The following SHLD1 variants were observed in gnomAD, a reference collection of about 807,000 sequenced individuals.
SHLD1 encodes the protein RINN1-REV7-interacting novel NHEJ regulator 3.
A neutral mutation model predicts 5.5 loss-of-function variants in SHLD1; 3 were observed. The ratio of observed to expected loss-of-function variants is 0.54; its 90% CI spans 0.25 to 1.40. The LOEUF is 1.40. Ranked by LOEUF, SHLD1 falls within the 40% of genes most tolerant of loss-of-function variation. The probability of loss-of-function intolerance (pLI) is 0.15; values close to 1 mark genes in which losing one functional copy is unlikely to be tolerated. For synonymous variants in SHLD1, 92 were observed against 94.3 expected (o/e 0.98, Z 0.14); for missense variants, 210 against 244.4 (o/e 0.86, Z 0.94).
chr20:5,764,135 A>ATATATATAT (rs1467661351), intron 1 of SHLD1, among the ~76,000 whole-genome samples: 16 of 96,246 alleles, frequency 1.7e-4, no homozygotes, highest in African/African-American at 7.8e-4. Context: ...TCAAAAAAAA[A>ATATATATAT]AAAAATATAT....
At chr20:5,830,730 G>GT (rs2087719559) in intron 2 of SHLD1, among the ~76,000 whole-genome samples, 3 of 151,480 alleles carry the variant, frequency 2.0e-5, no homozygotes, top group African/African-American at 4.9e-5. Context: ...TAGAATGGTG[G>GT]TAAGTCTTAG....
intron 2 of SHLD1, among the ~76,000 whole-genome samples, chr20:5,832,044 G>A (rs2087734439): frequency 6.6e-6 from 1 of 152,296 alleles, no homozygotes; most frequent in Admixed American, 6.5e-5. Flanking sequence ...TGCTTCAAGT[G>A]ATCCTCCCAC....
chr20:5,758,002 G>A (rs1301670093), intron 1 of SHLD1, among the ~76,000 whole-genome samples: 1 of 152,032 alleles, frequency 6.6e-6, no homozygotes, highest in Non-Finnish European at 1.5e-5. Flanking sequence ...TTGATTTCTT[G>A]CGCTATCTTT....
intron 2 of SHLD1, among the ~76,000 whole-genome samples, chr20:5,862,334 G>A (rs544336584): frequency 6.6e-6 from 1 of 152,348 alleles, no homozygotes; most frequent in East Asian, 1.9e-4. Context: ...AACCCTGAAG[G>A]CTGAGCAGTG....
chr20:5,861,385 A>G (rs2088160486), intron 2 of SHLD1, among the ~76,000 whole-genome samples: 1 of 152,226 alleles, frequency 6.6e-6, no homozygotes. Context: ...TCCTACTTAG[A>G]TTCCAAGTAC....
At chr20:5,817,754 A>G (rs2087556326) in intron 2 of SHLD1, among the ~76,000 whole-genome samples, 1 of 152,090 alleles carries the variant, frequency 6.6e-6, no homozygotes, top group African/African-American at 2.4e-5. Context: ...AAGAATCCCT[A>G]TGCTGATTTC....
chr20:5,763,478 T>G (rs1435010107), intron 1 of SHLD1, among the ~76,000 whole-genome samples: 1 of 152,064 alleles, frequency 6.6e-6, no homozygotes, highest in Non-Finnish European at 1.5e-5. Context: ...AGGTTAAATA[T>G]CTCCACAGGT....
chr20:5,856,501 G>T (rs1249472606), intron 2 of SHLD1, among the ~76,000 whole-genome samples: 2 of 149,582 alleles, frequency 1.3e-5, no homozygotes, highest in Non-Finnish European at 3.0e-5. Flanking sequence ...AGAAAAAAGT[G>T]AGGCGTGGAG....
chr20:5,824,667 A>G (rs2087646291), intron 2 of SHLD1, among the ~76,000 whole-genome samples: 2 of 150,336 alleles, frequency 1.3e-5, no homozygotes, highest in African/African-American at 4.9e-5. Context: ...CCCAACCTCA[A>G]CTTCAGGAGA....
chr20:5,787,240 T>TA (rs574753205), intron 2 of SHLD1, among the ~76,000 whole-genome samples: 136 of 152,350 alleles, frequency 8.9e-4, no homozygotes, highest in African/African-American at 3.1e-3. Flanking sequence ...TCCAACTTCT[T>TA]ATGTGAAAAC....
At chr20:5,821,090 G>A (rs2087600381) in intron 2 of SHLD1, among the ~76,000 whole-genome samples, 1 of 152,196 alleles carries the variant, frequency 6.6e-6, no homozygotes. Flanking sequence ...TAATATCTGT[G>A]CTTAATCAAC....
chr20:5,860,876 T>TAAAAAAAAAAAAAA (rs10555301), intron 2 of SHLD1, among the ~76,000 whole-genome samples: 1 of 100,788 alleles, frequency 9.9e-6, no homozygotes, highest in Admixed American at 1.2e-4. Flanking sequence ...TACTATTCTT[T>TAAAAAAAAAAAAAA]AAAAAAAAAA....
At chr20:5,813,364 C>T (rs536808848) in intron 2 of SHLD1, among the ~76,000 whole-genome samples, 46 of 152,222 alleles carry the variant, frequency 3.0e-4, no homozygotes, top group Non-Finnish European at 5.0e-4. Context: ...GTGGCACGTG[C>T]CTGTAGTCCC....
intron 2 of SHLD1, among the ~76,000 whole-genome samples, chr20:5,861,299 C>T (rs927523506): frequency 6.6e-6 from 1 of 152,254 alleles, no homozygotes; most frequent in Admixed American, 6.5e-5. Context: ...CAGTTAATGT[C>T]ACTACATCAT....
chr20:5,788,986 T>C (rs2087100095), intron 2 of SHLD1, among the ~76,000 whole-genome samples: 1 of 151,960 alleles, frequency 6.6e-6, no homozygotes, highest in Non-Finnish European at 1.5e-5. Flanking sequence ...TACAAAAAAT[T>C]ATCTGGGCAT....
At chr20:5,856,513 A>T (rs764263964) in intron 2 of SHLD1, among the ~76,000 whole-genome samples, 1 of 152,180 alleles carries the variant, frequency 6.6e-6, no homozygotes, top group Non-Finnish European at 1.5e-5. Flanking sequence ...GGCGTGGAGC[A>T]GGAAGATGCA....
chr20:5,778,953 A>G (rs909580757), intron 2 of SHLD1, among the ~76,000 whole-genome samples: 1 of 152,156 alleles, frequency 6.6e-6, no homozygotes, highest in Non-Finnish European at 1.5e-5. Context: ...CTGTAATCCC[A>G]GCACTTTGGG....
In SHLD1 at chr20:5,806,335, G is replaced by A. The variant is rs142376706; in HGVS notation, c.178+33292G>A. ...TCCACAGTATATGGATTTGTGGATC[G>A]TGTCTTCTTCCTTCCATTTGAAAAC... On this transcript the variant is annotated intron_variant, in intron 2 of 2. Transcript: ENST00000303142. This position sits in a 1 kb window ranked among gnomAD's most constrained non-coding sequence, Gnocchi z 7.6. Among the ~76,000 whole-genome samples the A allele has an allele frequency of 6.6e-5, 10 of 152,298 alleles. No homozygotes were observed. Among genetic ancestry groups the A allele is most frequent in the African/African-American group, 2.4e-4 (10 of 41,554 alleles).
intron 2 of SHLD1, among the ~76,000 whole-genome samples, chr20:5,852,263 G>A (rs1259322279): frequency 6.6e-6 from 1 of 152,134 alleles, no homozygotes; most frequent in African/African-American, 2.4e-5. Context: ...TTGAAGTCTG[G>A]TGTGATTTTC....
Sources: allele counts gnomAD v4.1 joint callset (sites outside exome capture counted in the v4.1 genomes callset), GRCh38; gene constraint gnomAD v4.1.1; non-coding constraint Gnocchi (gnomAD v3.1); transcripts MANE v1.5; gene names NCBI Gene and HGNC (gene_info 2026-07-23, HGNC 2026-07-21).